USP34: variants seen among roughly 807,000 people sequenced by gnomAD.
USP34 encodes the protein ubiquitin carboxyl-terminal hydrolase 34.
In USP34, 70 loss-of-function variants were observed where a neutral mutation model predicts 460.3. That is an observed-to-expected ratio of 0.15 (90% CI 0.13 to 0.19). USP34 has a LOEUF of 0.19. USP34 is among the 10% of genes least tolerant of loss of function. The pLI is 1.00. For synonymous variants in USP34, 1,647 were observed against 1,405.3 expected, an observed-to-expected ratio of 1.17 and a Z score of -3.85; for missense variants, 3,985 against 4,236.2, an observed-to-expected ratio of 0.94 and a Z score of 1.65.
chr2:61,469,574 A>G (rs1459240550), intron 1 of USP34, among the ~76,000 whole-genome samples: 1 of 152,228 alleles, frequency 6.6e-6, no homozygotes, highest in East Asian at 1.9e-4. Context: ...TTTGGTCATT[A>G]AAGTGACAGT....
rs767706454 is a variant in USP34 at position 61,241,884 on chromosome 2, T to C, written c.6628-65A>G. 64 of 849,728 alleles carry C rather than the reference T, an allele frequency of 7.5e-5. 1 individual carries two copies. The highest frequency in any genetic ancestry group is 5.3e-6 in the Non-Finnish European group (3 of 570,028). 52.6% of individuals were successfully genotyped at this position (849,728 alleles called of 1,614,324 possible). A position where few individuals can be genotyped will look rare whatever the true frequency, so the allele number is the denominator to read the frequency against. On this transcript the variant is annotated intron_variant, in intron 51 of 79. Coordinates refer to ENST00000398571, the MANE Select transcript of USP34 (RefSeq NM_014709.4). ...GGGTATACTCAGCTATATTTATATATAAATTATTTCATAAACAGCTATTTT... is the reference window on the plus strand; with the variant it reads ...GGGTATACTCAGCTATATTTATATACAAATTATTTCATAAACAGCTATTTT...
chr2:61,272,208 G>A (rs990277338), intron 41 of USP34, among the ~76,000 whole-genome samples: 2 of 151,968 alleles, frequency 1.3e-5, no homozygotes, highest in African/African-American at 2.4e-5. Flanking sequence ...TCAGGATATC[G>A]AGACCATCCT....
intron 1 of USP34, among the ~76,000 whole-genome samples, chr2:61,468,840 A>G (rs1033858430): frequency 2.0e-5 from 3 of 152,174 alleles, no homozygotes; most frequent in African/African-American, 7.2e-5. Context: ...TATGATCAAG[A>G]TGCCACCTCT....
intron 61 of USP34, 21 bp from the exon 62 acceptor site, chr2:61,227,239 A>G (rs772501384): frequency 1.3e-6 from 2 of 1,590,614 alleles, no homozygotes; most frequent in South Asian, 2.3e-5. Flanking sequence ...ATAAAATTCA[A>G]TTTTAATACG....
rs144363142 is a variant in USP34, at chr2:61,369,089, GA to G, written c.1251+1231del. Among the ~76,000 whole-genome samples, 634 of 152,176 alleles carry G rather than the reference GA, an allele frequency of 4.2e-3. 3 individuals carry two copies. The highest frequency in any genetic ancestry group is 0.014 in the African/African-American group (602 of 41,530). On this transcript the variant is annotated intron_variant, in intron 10 of 79. Transcript: ENST00000398571. ...ATTTGCAAACTCACTCATGATAAAA[GA>G]AACGCAAATTTAAAATACCAATGAT... is the stretch of plus-strand genomic sequence containing the variant.
rs771429597 is a variant in USP34 at position 61,295,242 on chromosome 2, G to A, written c.4303C>T (p.His1435Tyr). Residue 1435 changes from histidine (H) to tyrosine (Y), a missense_variant, in exon 31 of 80, where the codon CAC (histidine) becomes TAC (tyrosine). His to Tyr is a moderately conservative substitution (Grantham distance 83, BLOSUM62 2). Around this residue, in one of 14 missense-constraint regions of USP34, gnomAD observed 1,114 missense variants for 1,122.5 expected, o/e 0.99. Transcript: ENST00000398571. ...ATTTCCAGAGCATACAATAGCTTGT[G>A]GGCGCTCTTAATTTTGAGAAGTTCT... The part of the protein sequence containing the change: ...WKELLKIKSA[H>Y]KLLYALEIIE... 1 of 1,608,500 alleles carries A rather than the reference G, an allele frequency of 6.2e-7. No homozygotes were observed. The highest frequency in any genetic ancestry group is 1.1e-5 in the South Asian group (1 of 89,462).
At position 61,266,108 on chromosome 2, in the gene USP34, T is replaced by C. The variant is rs1406098329; in HGVS notation, c.5493A>G (p.Gln1831=). Reference sequence around the variant, plus strand: ...AAGAATGTGATTTGCACTTTGGCTGTTGTCGGTCCTTTAGACTTGGCAACA... The same window carrying C: ...AAGAATGTGATTTGCACTTTGGCTGCTGTCGGTCCTTTAGACTTGGCAACA... ...LFLLPSLKDR[Q]QPKCKSHSSR... Residue 1831 remains glutamine (Q), a synonymous_variant, in exon 42 of 80, where the codon CAA becomes CAG. Coordinates refer to ENST00000398571, the MANE Select transcript of USP34 (RefSeq NM_014709.4). 9.3e-6 allele frequency: 15 copies of C among 1,613,900 alleles called. No homozygotes were observed. The East Asian group carries it at 1.1e-4, about 12-fold the overall frequency.
intron 10 of USP34, among the ~76,000 whole-genome samples, chr2:61,365,790 G>C (rs1177882917): frequency 6.6e-6 from 1 of 152,108 alleles, no homozygotes; most frequent in Non-Finnish European, 1.5e-5. Flanking sequence ...GGTGGAAAAT[G>C]AGAAAGGAGA....
chr2:61,223,592 T>C, intron 62 of USP34: 1 of 264,744 alleles, frequency 3.8e-6, no homozygotes, highest in Non-Finnish European at 7.1e-6. Flanking sequence ...TTTTTTGACA[T>C]GAGACCCTTC....
chr2:61,411,438 A>G (rs1176541519), intron 2 of USP34, among the ~76,000 whole-genome samples: 2 of 152,146 alleles, frequency 1.3e-5, no homozygotes, highest in Non-Finnish European at 2.9e-5. Flanking sequence ...TATGACTTAA[A>G]TGGTAAACCT....
intron 3 of USP34, among the ~76,000 whole-genome samples, chr2:61,403,196 C>A (rs1016445468): frequency 2.0e-5 from 3 of 151,888 alleles, no homozygotes; most frequent in Non-Finnish European, 2.9e-5. Flanking sequence ...AAAATACTCA[C>A]GAATAATAAT....
chr2:61,277,158 T>C lies in USP34; in HGVS notation c.5433+1007A>G, dbSNP rs919607671. Among the ~76,000 whole-genome samples, 5 of 152,056 alleles carry C rather than the reference T, an allele frequency of 3.3e-5. No homozygotes were observed. The South Asian group carries it at 6.2e-4, about 19-fold the overall frequency. Reference sequence around the variant, plus strand: ...TGACTACTTACTAATTCCACTGTATTAGGATATGATTCACAGTTTAGGACA... The same window carrying C: ...TGACTACTTACTAATTCCACTGTATCAGGATATGATTCACAGTTTAGGACA... On this transcript the variant is annotated intron_variant, in intron 41 of 79. Transcript: ENST00000398571.
At chr2:61,461,150 G>A (rs1036829727) in intron 1 of USP34, among the ~76,000 whole-genome samples, 1 of 151,846 alleles carries the variant, frequency 6.6e-6, no homozygotes, top group African/African-American at 2.4e-5. Flanking sequence ...CAGCATTTTG[G>A]GAGGCTGAGG....
At chr2:61,375,611 T>C (rs980463561) in intron 8 of USP34, among the ~76,000 whole-genome samples, 6 of 151,486 alleles carry the variant, frequency 4.0e-5, no homozygotes, top group African/African-American at 1.4e-4. Context: ...CTACTAAAAA[T>C]ACAAAAAATT....
intron 78 of USP34, 102 bp from the exon 79 acceptor site, chr2:61,189,171 T>A: frequency 7.8e-7 from 1 of 1,286,674 alleles, no homozygotes. Context: ...GAATCCATTC[T>A]TTCCTAAGAA....
intron 75 of USP34, among the ~76,000 whole-genome samples, chr2:61,196,069 A>ACTTTTTT (rs1686795624): frequency 2.4e-5 from 1 of 41,576 alleles, no homozygotes; most frequent in Non-Finnish European, 4.0e-5. Flanking sequence ...ACCATGCACG[A>ACTTTTTT]TTTTTTTTTT....
chr2:61,280,376 A>G (rs1689498088), intron 38 of USP34, 28 bp from the exon 39 acceptor site: 2 of 1,116,788 alleles, frequency 1.8e-6, no homozygotes, highest in Admixed American at 3.0e-5. Flanking sequence ...TACTTTGTGA[A>G]AACATTTTAA....
intron 5 of USP34, among the ~76,000 whole-genome samples, chr2:61,390,000 T>C (rs534491432): frequency 4.1e-4 from 62 of 152,250 alleles, no homozygotes; most frequent in Admixed American, 9.8e-4. Context: ...TATCAAAAAA[T>C]ATGTAATCCT....
intron 39 of USP34, among the ~76,000 whole-genome samples, chr2:61,278,708 C>T (rs1689446167): frequency 1.3e-5 from 2 of 151,910 alleles, no homozygotes; most frequent in African/African-American, 4.8e-5. Context: ...GGGTACAGCA[C>T]ACCAACATGG....
Sources: allele counts gnomAD v4.1 joint callset (sites outside exome capture counted in the v4.1 genomes callset), GRCh38; gene constraint gnomAD v4.1.1; regional missense constraint gnomAD v4.1.1; transcripts MANE v1.5; gene names NCBI Gene and HGNC (gene_info 2026-07-23, HGNC 2026-07-21).